XKR9: variants seen among roughly 807,000 people sequenced by gnomAD.
XKR9 encodes the protein XK-related protein 9.
XKR9 carries 32 observed loss-of-function variants against 32.0 expected under a neutral mutation model. The observed-to-expected ratio is 1.00, with a 90% CI of 0.76 to 1.34. XKR9 has a LOEUF of 1.34. Among genes scored for constraint, XKR9 ranks in the 40% most tolerant of loss-of-function variants. The pLI, the probability that XKR9 is intolerant of heterozygous loss-of-function variation, is 0.00. For missense variants in XKR9, 546 were observed against 429.7 expected, an observed-to-expected ratio of 1.27 and a Z score of -2.39; for synonymous variants, 168 against 143.4, an observed-to-expected ratio of 1.17 and a Z score of -1.22.
intron 2 of XKR9, among the ~76,000 whole-genome samples, chr8:70,768,413 A>G (rs1480655875): frequency 6.6e-6 from 1 of 152,100 alleles, no homozygotes; most frequent in Admixed American, 6.6e-5. Context: ...TGGGGTGGAG[A>G]GTTCTGTAGA....
the XKR9 span, among the ~76,000 whole-genome samples, chr8:70,881,063 G>A: frequency 2.7e-4 from 41 of 152,258 alleles, no homozygotes; most frequent in South Asian, 6.8e-3. Flanking sequence ...AAACTGGCTA[G>A]CCATATGTAG....
the XKR9 span, among the ~76,000 whole-genome samples, chr8:70,844,380 C>T: frequency 4.2e-4 from 64 of 152,308 alleles, no homozygotes; most frequent in African/African-American, 1.5e-3. Context: ...AAGCACCCTC[C>T]CTAACCCAAG....
the XKR9 span, among the ~76,000 whole-genome samples, chr8:70,978,211 A>G: frequency 1.3e-5 from 2 of 152,100 alleles, no homozygotes; most frequent in Non-Finnish European, 2.9e-5. Flanking sequence ...GTGTCTTTTA[A>G]CTGGAGCATT....
chr8:71,018,903 T>C, the XKR9 span, among the ~76,000 whole-genome samples: 3 of 152,232 alleles, frequency 2.0e-5, no homozygotes, highest in Admixed American at 1.3e-4. Flanking sequence ...AGTTAAAACA[T>C]GCTCATTTGA....
At chr8:70,670,861 G>A (rs72667713) in intron 1 of XKR9, among the ~76,000 whole-genome samples, 4,564 of 152,176 alleles carry the variant, frequency 0.03, 86 homozygotes, top group Middle Eastern at 0.051. Flanking sequence ...ATTTATGATA[G>A]CCATCAATTA....
chr8:70,845,227 C>T, the XKR9 span, among the ~76,000 whole-genome samples: 1 of 152,114 alleles, frequency 6.6e-6, no homozygotes, highest in African/African-American at 2.4e-5. Flanking sequence ...CTGCATACAC[C>T]CAGAATCAAA....
intron 4 of XKR9, among the ~76,000 whole-genome samples, chr8:70,714,023 T>C (rs1211152510): frequency 6.6e-6 from 1 of 152,120 alleles, no homozygotes; most frequent in African/African-American, 2.4e-5. Flanking sequence ...GACAGCTGTT[T>C]CCTTGCTGCA....
In XKR9 at chr8:70,733,492, A is replaced by G. The variant is rs571315733; in HGVS notation, c.494-304A>G. Among the ~76,000 whole-genome samples the G allele has an allele frequency of 6.6e-5, 10 of 152,208 alleles. 1 individual carries two copies. In the East Asian group the frequency reaches 1.9e-3, roughly 29 times the overall value. On this transcript the variant is annotated intron_variant, in intron 4 of 4. Transcript: ENST00000408926. ...TCAGTTGCTCAATAAAATTTGTCCC[A>G]TGAATTTTTAAAAAATCATAATAAA...
chr8:70,935,701 G>A, the XKR9 span, among the ~76,000 whole-genome samples: 1 of 152,162 alleles, frequency 6.6e-6, no homozygotes, highest in Admixed American at 6.6e-5. Context: ...GAATAAGAAA[G>A]TTAGCTGTTA....
the XKR9 span, among the ~76,000 whole-genome samples, chr8:71,050,298 T>TATATAG: frequency 9.5e-3 from 881 of 92,746 alleles, 13 homozygotes; most frequent in African/African-American, 0.033. Flanking sequence ...TATAGATATA[T>TATATAG]ATATAGATAT....
At position 70,742,321 on chromosome 8, in the gene XKR9, C is replaced by G. The variant is rs528280883; in HGVS notation, n.352+35168C>G. On this transcript the variant is annotated intron_variant and non_coding_transcript_variant, in intron 2 of 3. Coordinates refer to the XKR9 transcript ENST00000520273. ...TTCGGTTTACCTTGGGCACATGATT[C>G]TTGTATAATTACATAGCTCCCTGTT... 2.6e-5 allele frequency among the ~76,000 whole-genome samples: 4 copies of G among 152,268 alleles called. No homozygotes were observed. In the South Asian group the frequency reaches 8.3e-4, roughly 32 times the overall value.
rs115318663 is a variant in XKR9 at position 70,676,422 on chromosome 8, G to A, written c.-279+1523G>A. 6.4e-3 allele frequency among the ~76,000 whole-genome samples: 981 copies of A among 152,244 alleles called. 11 individuals are homozygous for A. The highest frequency in any genetic ancestry group is 0.022 in the African/African-American group (917 of 41,534). ...CCCTATGAAGCCAAACTTTGTAGGT[G>A]GCATTATTTTACCTAAGGTGGTACT... On this transcript the variant is annotated intron_variant, in intron 2 of 4. Coordinates refer to ENST00000408926, the MANE Select transcript of XKR9 (RefSeq NM_001011720.2).
chr8:70,701,490 A>C (rs999851835), intron 3 of XKR9, among the ~76,000 whole-genome samples: 1 of 152,182 alleles, frequency 6.6e-6, no homozygotes, highest in African/African-American at 2.4e-5. Context: ...AACTGCTTCT[A>C]GTCAGCCATC....
At chr8:70,930,968 GA>G in the XKR9 span, among the ~76,000 whole-genome samples, 1 of 152,088 alleles carries the variant, frequency 6.6e-6, no homozygotes, top group East Asian at 1.9e-4. Flanking sequence ...AGCTAAATCT[GA>G]TATTCACCTG....
the XKR9 span, among the ~76,000 whole-genome samples, chr8:70,886,242 A>T: frequency 6.6e-6 from 1 of 152,202 alleles, no homozygotes; most frequent in Non-Finnish European, 1.5e-5. Flanking sequence ...ATGGCTGCAT[A>T]GTATTTCATG....
chr8:70,989,527 T>C, the XKR9 span, among the ~76,000 whole-genome samples: 1 of 152,218 alleles, frequency 6.6e-6, no homozygotes, highest in African/African-American at 2.4e-5. Flanking sequence ...GCTGAGCTGA[T>C]ACTAAATAGC....
At chr8:70,884,213 A>C in the XKR9 span, among the ~76,000 whole-genome samples, 12 of 152,066 alleles carry the variant, frequency 7.9e-5, no homozygotes, top group African/African-American at 2.4e-4. Context: ...ATCTTTGCCT[A>C]GTTTTAAATT....
At chr8:70,986,905 A>C in the XKR9 span, among the ~76,000 whole-genome samples, 1 of 152,220 alleles carries the variant, frequency 6.6e-6, no homozygotes, top group Non-Finnish European at 1.5e-5. Context: ...TGGAAGCTTC[A>C]CAATCATGGT....
chr8:70,816,650 A>G, the XKR9 span, among the ~76,000 whole-genome samples: 5,652 of 152,288 alleles, frequency 0.037, 148 homozygotes, highest in South Asian at 0.078. Flanking sequence ...ATCATATACA[A>G]AGTGAACCCT....
Sources: allele counts gnomAD v4.1 joint callset (sites outside exome capture counted in the v4.1 genomes callset), GRCh38; gene constraint gnomAD v4.1.1; transcripts MANE v1.5; gene names NCBI Gene and HGNC (gene_info 2026-07-23, HGNC 2026-07-21).